The following CSMD1 variants were observed in gnomAD, a reference collection of about 807,000 sequenced individuals.
CSMD1 encodes CUB and sushi domain-containing protein 1.
Under a neutral mutation model 417.5 loss-of-function variants are expected in CSMD1, and 213 were observed. The ratio of observed to expected loss-of-function variants is 0.51; its 90% confidence interval spans 0.46 to 0.57. The LOEUF is 0.57. CSMD1 is among the 20% of genes least tolerant of loss of function. The pLI is 0.00. For missense variants in CSMD1, 6,923 were observed against 4,529.7 expected (o/e 1.53, Z -15.17); for synonymous variants, 2,862 against 1,736.8 (o/e 1.65, Z -16.11).
intron 11 of CSMD1, among the ~76,000 whole-genome samples, chr8:3,479,595 T>C (rs1461716926): frequency 6.6e-6 from 1 of 152,238 alleles, no homozygotes; most frequent in South Asian, 2.1e-4. Context: ...TTTCTTTCAA[T>C]GGCATAAATG....
intron 27 of CSMD1, among the ~76,000 whole-genome samples, chr8:3,229,361 A>C (rs1039437202): frequency 5.3e-5 from 8 of 152,218 alleles, no homozygotes; most frequent in African/African-American, 1.9e-4. Flanking sequence ...GAATTTTATT[A>C]GTAGAATATT....
At chr8:4,124,380 T>G (rs1802648084) in intron 3 of CSMD1, among the ~76,000 whole-genome samples, 1 of 147,544 alleles carries the variant, frequency 6.8e-6, no homozygotes, top group Non-Finnish European at 1.5e-5. Context: ...CTTCTCCATA[T>G]CAAAAAGGAG....
At chr8:3,956,958 C>A (rs35018211) in intron 5 of CSMD1, among the ~76,000 whole-genome samples, 1 of 151,904 alleles carries the variant, frequency 6.6e-6, no homozygotes. Context: ...TTTTTCTATA[C>A]GGAAAGGTTG....
chr8:3,306,288 C>T (rs1804839763), intron 25 of CSMD1, among the ~76,000 whole-genome samples: 1 of 152,174 alleles, frequency 6.6e-6, no homozygotes, highest in Non-Finnish European at 1.5e-5. Context: ...CATCTTCTGC[C>T]TCAGTATCCT....
chr8:3,558,014 A>T lies in CSMD1; in HGVS notation c.1344+16931T>A, dbSNP rs577388704. 9.9e-5 allele frequency among the ~76,000 whole-genome samples: 15 copies of T among 151,890 alleles called. No homozygotes were observed. In the South Asian group the frequency reaches 3.1e-3, roughly 32 times the overall value. ...AGTGGTACCCTGTGTCCACTCCTCC[A>T]ATGATGAATGGTGCCTCAGAAGTAA... is the stretch of plus-strand genomic sequence containing the variant. On this transcript the variant is annotated intron_variant, in intron 10 of 69. Transcript: ENST00000635120.
chr8:3,928,682 T>A lies in CSMD1; in HGVS notation c.818+69221A>T, dbSNP rs533506163. On this transcript the variant is annotated intron_variant, in intron 5 of 69. Transcript: ENST00000635120. ...TTTAAAGAAGGTATAGATTTTTTTTTAAATTGCTCCTGCTCTTTGGATCTA... is the reference window on the plus strand; with the variant it reads ...TTTAAAGAAGGTATAGATTTTTTTTAAAATTGCTCCTGCTCTTTGGATCTA... 2.7e-4 allele frequency among the ~76,000 whole-genome samples: 40 copies of A among 150,448 alleles called. 1 individual carries two copies. The highest frequency in any genetic ancestry group is 7.3e-4 in the Admixed American group (11 of 15,150).
At chr8:3,339,247 A>C (rs995186251) in intron 23 of CSMD1, among the ~76,000 whole-genome samples, 1 of 151,796 alleles carries the variant, frequency 6.6e-6, no homozygotes, top group African/African-American at 2.4e-5. Context: ...GTTTCTTTGG[A>C]ATGTCGTTTA....
At chr8:4,472,019 A>AT (rs1563212284) in intron 2 of CSMD1, among the ~76,000 whole-genome samples, 1 of 152,148 alleles carries the variant, frequency 6.6e-6, no homozygotes, top group Non-Finnish European at 1.5e-5. Context: ...ATTTCTTCCA[A>AT]TTTTTTAACT....
intron 26 of CSMD1, among the ~76,000 whole-genome samples, chr8:3,273,643 T>C (rs974084856): frequency 6.6e-6 from 1 of 152,242 alleles, no homozygotes; most frequent in Non-Finnish European, 1.5e-5. Context: ...ATTCAACTTC[T>C]TCCTGGTTTA....
intron 1 of CSMD1, among the ~76,000 whole-genome samples, chr8:4,731,929 T>G (rs2116960325): frequency 6.6e-6 from 1 of 152,244 alleles, no homozygotes; most frequent in East Asian, 1.9e-4. Flanking sequence ...ATAAAAATAA[T>G]AATAGTGAGA....
chr8:4,446,494 C>G (rs943213339), intron 2 of CSMD1, among the ~76,000 whole-genome samples: 3 of 152,178 alleles, frequency 2.0e-5, no homozygotes, highest in Non-Finnish European at 4.4e-5. Context: ...CTGCAGGGAT[C>G]TGTGATCAGG....
At chr8:3,249,059 C>T (rs778397280) in intron 26 of CSMD1, among the ~76,000 whole-genome samples, 4 of 152,048 alleles carry the variant, frequency 2.6e-5, no homozygotes, top group African/African-American at 9.7e-5. Context: ...CAGTGTGCAG[C>T]GTACAGTGGG....
chr8:3,605,220 G>C (rs1022829602), intron 8 of CSMD1, among the ~76,000 whole-genome samples: 8 of 152,194 alleles, frequency 5.3e-5, no homozygotes, highest in Non-Finnish European at 8.8e-5. Flanking sequence ...TCGAGCTCCT[G>C]ATCTTGTGAT....
intron 7 of CSMD1, among the ~76,000 whole-genome samples, chr8:3,623,885 G>C (rs1430907016): frequency 6.6e-6 from 1 of 152,050 alleles, no homozygotes; most frequent in Admixed American, 6.6e-5. Flanking sequence ...GCTGAGGCAG[G>C]AGAATCGCTT....
intron 3 of CSMD1, among the ~76,000 whole-genome samples, chr8:4,157,180 C>T (rs1008321360): frequency 6.6e-6 from 1 of 152,062 alleles, no homozygotes; most frequent in Non-Finnish European, 1.5e-5. Flanking sequence ...GATTTTGGGA[C>T]AAGTGACGAT....
At chr8:4,257,332 A>C (rs544603208) in intron 3 of CSMD1, among the ~76,000 whole-genome samples, 1 of 152,220 alleles carries the variant, frequency 6.6e-6, no homozygotes, top group South Asian at 2.1e-4. Context: ...ACTATTTTTA[A>C]CCATCCATTC....
At chr8:3,816,808 T>C (rs1271001598) in intron 5 of CSMD1, among the ~76,000 whole-genome samples, 1 of 152,112 alleles carries the variant, frequency 6.6e-6, no homozygotes, top group Non-Finnish European at 1.5e-5. Context: ...ATATAGGGTT[T>C]GGTACTATTT....
chr8:4,305,498 C>T (rs1798196669), intron 3 of CSMD1, among the ~76,000 whole-genome samples: 1 of 152,200 alleles, frequency 6.6e-6, no homozygotes, highest in Middle Eastern at 3.2e-3. Context: ...ACAGGCACTG[C>T]TTTCCCTGAG....
At chr8:3,648,912 G>C (rs764701874) in intron 7 of CSMD1, among the ~76,000 whole-genome samples, 21 of 152,124 alleles carry the variant, frequency 1.4e-4, no homozygotes, top group Non-Finnish European at 2.8e-4. Flanking sequence ...AAATGACCAA[G>C]TGTAACAACA....
Sources: allele counts gnomAD v4.1 joint callset (sites outside exome capture counted in the v4.1 genomes callset), GRCh38; gene constraint gnomAD v4.1.1; transcripts MANE v1.5; gene names NCBI Gene and HGNC (gene_info 2026-07-23, HGNC 2026-07-21).